OPCML: variants seen among roughly 807,000 people sequenced by gnomAD.
The protein encoded by OPCML is opioid-binding protein/cell adhesion molecule.
Under a neutral mutation model 37.8 loss-of-function variants are expected in OPCML, and 13 were observed. The ratio of observed to expected loss-of-function variants is 0.34; its 90% CI spans 0.22 to 0.55. OPCML has a LOEUF of 0.55. OPCML is among the 20% of genes least tolerant of loss of function. The pLI, the probability that OPCML is intolerant of heterozygous loss-of-function variation, is 0.91. For synonymous variants in OPCML, 176 were observed against 168.8 expected (o/e 1.04, Z -0.33); for missense variants, 341 against 435.6 (o/e 0.78, Z 1.93).
At chr11:133,187,906 C>T (rs559056256) in intron 1 of OPCML, among the ~76,000 whole-genome samples, 1 of 152,290 alleles carries the variant, frequency 6.6e-6, no homozygotes, top group Admixed American at 6.5e-5. Context: ...TAAACTGTCT[C>T]AGACCACACA....
At chr11:133,503,660 C>T (rs910594711) in intron 1 of OPCML, among the ~76,000 whole-genome samples, 17 of 152,222 alleles carry the variant, frequency 1.1e-4, no homozygotes, top group African/African-American at 3.9e-4. Flanking sequence ...CTGCACGAGG[C>T]AATTCCTGGG....
intron 3 of OPCML, among the ~76,000 whole-genome samples, chr11:132,551,644 C>T (rs2096381891): frequency 6.6e-6 from 1 of 152,186 alleles, no homozygotes. Flanking sequence ...CTCATCTGAT[C>T]TTGTAGCCCC....
intron 1 of OPCML, among the ~76,000 whole-genome samples, chr11:133,377,823 A>G (rs1944847738): frequency 6.6e-6 from 1 of 152,094 alleles, no homozygotes; most frequent in Non-Finnish European, 1.5e-5. Context: ...TTCCCCACTG[A>G]GCCCAGATGA....
intron 1 of OPCML, chr11:133,024,826 G>A: frequency 1.0e-6 from 1 of 985,420 alleles, no homozygotes; most frequent in Non-Finnish European, 1.2e-6. Flanking sequence ...CTGCCTGGGT[G>A]ACCTGGTGAG....
At chr11:132,791,698 T>C (rs1045555170) in intron 2 of OPCML, among the ~76,000 whole-genome samples, 1 of 152,196 alleles carries the variant, frequency 6.6e-6, no homozygotes, top group Non-Finnish European at 1.5e-5. Flanking sequence ...GGCTGCCTCA[T>C]AAATAGGCAC....
At chr11:133,148,904 C>T (rs539047405) in intron 1 of OPCML, among the ~76,000 whole-genome samples, 1 of 152,280 alleles carries the variant, frequency 6.6e-6, no homozygotes, top group African/African-American at 2.4e-5. Flanking sequence ...AGGCAGCATC[C>T]ACCATACTTC....
intron 1 of OPCML, among the ~76,000 whole-genome samples, chr11:133,431,735 G>A (rs1946120275): frequency 6.6e-6 from 1 of 150,720 alleles, no homozygotes; most frequent in Admixed American, 6.6e-5. Flanking sequence ...AAAGTGCTGG[G>A]ATTACAGGTG....
chr11:132,626,403 C>T (rs1939740499), intron 3 of OPCML, among the ~76,000 whole-genome samples: 1 of 151,702 alleles, frequency 6.6e-6, no homozygotes, highest in African/African-American at 2.4e-5. Flanking sequence ...AAGTAAGATA[C>T]TATGAGGAAT....
chr11:133,197,695 G>A (rs897341661), intron 1 of OPCML, among the ~76,000 whole-genome samples: 1 of 152,216 alleles, frequency 6.6e-6, no homozygotes, highest in African/African-American at 2.4e-5. Flanking sequence ...CTACATTGAT[G>A]CAGCTGGTAT....
chr11:132,521,998 C>G (rs1411624798), intron 4 of OPCML, among the ~76,000 whole-genome samples: 1 of 152,160 alleles, frequency 6.6e-6, no homozygotes, highest in Non-Finnish European at 1.5e-5. Context: ...TTTTGCCACT[C>G]TCACCACTGG....
At chr11:132,468,432 G>T (rs2096126077) in intron 4 of OPCML, among the ~76,000 whole-genome samples, 1 of 152,150 alleles carries the variant, frequency 6.6e-6, no homozygotes, top group African/African-American at 2.4e-5. Context: ...GAGTTGTATG[G>T]ATTGTAGAGG....
chr11:132,492,433 G>A (rs138409031), intron 4 of OPCML, among the ~76,000 whole-genome samples: 221 of 152,194 alleles, frequency 1.5e-3, no homozygotes, highest in Middle Eastern at 0.01. Context: ...TATAGGGCGC[G>A]AGAGAAAGAG....
intron 2 of OPCML, among the ~76,000 whole-genome samples, chr11:132,740,067 A>C (rs2136035682): frequency 6.6e-6 from 1 of 152,300 alleles, no homozygotes; most frequent in South Asian, 2.1e-4. Context: ...TCACTTCTAA[A>C]TGTGCATATT....
intron 2 of OPCML, among the ~76,000 whole-genome samples, chr11:132,674,751 C>T (rs2135828755): frequency 6.6e-6 from 1 of 152,252 alleles, no homozygotes; most frequent in South Asian, 2.1e-4. Flanking sequence ...CAACACAGAG[C>T]TCACTCTAAG....
At chr11:132,781,306 C>T (rs1043713611) in intron 2 of OPCML, among the ~76,000 whole-genome samples, 13 of 152,014 alleles carry the variant, frequency 8.6e-5, no homozygotes, top group African/African-American at 2.9e-4. Context: ...ACCGAAGACC[C>T]AAATAGGACA....
chr11:132,524,790 G>A (rs1012637240), intron 4 of OPCML, among the ~76,000 whole-genome samples: 2 of 152,120 alleles, frequency 1.3e-5, no homozygotes, highest in South Asian at 4.1e-4. Context: ...AGAAAAGCTG[G>A]GATGTCTTGG....
intron 3 of OPCML, among the ~76,000 whole-genome samples, chr11:132,580,279 C>G (rs556762936): frequency 2.6e-5 from 4 of 152,128 alleles, no homozygotes; most frequent in African/African-American, 4.8e-5. Context: ...TACAGAATGT[C>G]CACTGGAGAA....
At chr11:132,534,731 T>C (rs2096335706) in intron 3 of OPCML, among the ~76,000 whole-genome samples, 1 of 152,174 alleles carries the variant, frequency 6.6e-6, no homozygotes, top group African/African-American at 2.4e-5. Context: ...GCTCCTCATC[T>C]GTACAATGGG....
At chr11:133,488,127 AG>A (rs1213170115) in intron 1 of OPCML, among the ~76,000 whole-genome samples, 1 of 152,178 alleles carries the variant, frequency 6.6e-6, no homozygotes, top group African/African-American at 2.4e-5. Flanking sequence ...AACATAATAA[AG>A]GACATATACA....
Sources: gnomAD v4.1 joint callset for allele counts (sites outside exome capture counted in the v4.1 genomes callset) on GRCh38, gnomAD v4.1.1 for gene constraint, MANE v1.5 for transcripts, NCBI Gene and HGNC (gene_info 2026-07-23, HGNC 2026-07-21) for gene names.